The following SUDS3 variants were observed in gnomAD, a reference collection of about 807,000 sequenced individuals.
SUDS3 encodes sin3 histone deacetylase corepressor complex component SDS3.
SUDS3 carries 23 observed loss-of-function variants against 53.5 expected under a neutral mutation model. The ratio of observed to expected loss-of-function variants is 0.43; its 90% CI spans 0.31 to 0.61. SUDS3 has a LOEUF of 0.61. Ranked by LOEUF, SUDS3 falls within the 20% of genes least tolerant of loss-of-function variation. The probability of loss-of-function intolerance (pLI) is 0.10; values close to 1 mark genes in which losing one functional copy is unlikely to be tolerated. For missense variants in SUDS3, 291 were observed against 405.9 expected (o/e 0.72, Z 2.43); for synonymous variants, 150 against 148.5 (o/e 1.01, Z -0.08).
chr12:118,376,815 G>T lies in SUDS3; in HGVS notation c.124G>T (p.Gly42Cys). 6.5e-7 allele frequency: 1 copy of T among 1,548,128 alleles called. No individual in the cohort carries two copies. Among genetic ancestry groups the T allele is most frequent in the South Asian group, 1.2e-5 (1 of 83,768 alleles). Reference sequence around the variant, plus strand: ...CGAGGACGACGAGCGCAGCTGTCGGGGCCGCGAGTCGGACGAAGGTGAGTC... The same window carrying T: ...CGAGGACGACGAGCGCAGCTGTCGGTGCCGCGAGTCGGACGAAGGTGAGTC... ...SAEDDERSCR[G>C]RESDEDTEDA... Residue 42 changes from glycine to cysteine, a missense_variant, in exon 1 of 12, where the codon GGC (glycine) becomes TGC (cysteine). Gly to Cys is a radical substitution (Grantham distance 159). This residue lies in a region of SUDS3 where 149 missense variants were observed against 146.5 expected (regional missense o/e 1.02). Transcript: ENST00000543473.
intron 10 of SUDS3, among the ~76,000 whole-genome samples, chr12:118,409,861 G>A (rs1169267762): frequency 6.6e-6 from 1 of 152,238 alleles, no homozygotes. Flanking sequence ...TCCCATTTGG[G>A]CTTTGGCCCC....
rs139248153 is a variant in SUDS3 at position 118,401,164 on chromosome 12, A to G, written c.613+410A>G. ...GTTATCTATGTCCATAATGTAGTGG[A>G]TTGCAACCTGTTTTTAAATTAAAGC... On this transcript the variant is annotated intron_variant, in intron 7 of 11. Coordinates refer to ENST00000543473, the MANE Select transcript of SUDS3 (RefSeq NM_022491.3). 6.2e-3 allele frequency among the ~76,000 whole-genome samples: 948 copies of G among 152,360 alleles called. 6 individuals are homozygous for G. Among genetic ancestry groups the G allele is most frequent in the Middle Eastern group, 0.024 (7 of 294 alleles).
intron 10 of SUDS3, among the ~76,000 whole-genome samples, chr12:118,403,853 G>A (rs1054651691): frequency 1.6e-4 from 25 of 152,262 alleles, no homozygotes; most frequent in Admixed American, 4.6e-4. Flanking sequence ...CTGCTCCTGT[G>A]TGCTAAGGTT....
rs1170008749 is a variant in SUDS3, at chr12:118,414,698, T to C, written c.*265T>C. The C allele has an allele frequency of 6.1e-6, 2 of 329,186 alleles. No homozygotes were observed. The highest frequency in any genetic ancestry group is 9.8e-5 in the Admixed American group (2 of 20,322). 20.4% of individuals were successfully genotyped at this position (329,186 alleles called of 1,614,324 possible). On this transcript the variant is annotated 3_prime_UTR_variant, in exon 12 of 12. Coordinates refer to ENST00000543473, the MANE Select transcript of SUDS3 (RefSeq NM_022491.3). ...AGGCGTATTGGGGGGTTTGATTTACTTTCCTTTTATTTCTTTATTTTTTGC... is the reference window on the plus strand; with the variant it reads ...AGGCGTATTGGGGGGTTTGATTTACCTTCCTTTTATTTCTTTATTTTTTGC...
At chr12:118,386,549 G>GA (rs2046116454) in intron 4 of SUDS3, among the ~76,000 whole-genome samples, 1 of 146,770 alleles carries the variant, frequency 6.8e-6, no homozygotes, top group Non-Finnish European at 1.5e-5. Context: ...CCCATTTTAA[G>GA]TTTTTTTTTT....
At chr12:118,398,342 C>T (rs928802751) in intron 6 of SUDS3, among the ~76,000 whole-genome samples, 6 of 152,094 alleles carry the variant, frequency 3.9e-5, no homozygotes, top group East Asian at 1.9e-4. Context: ...TTCAAACGCA[C>T]GTTTGTGTGA....
chr12:118,396,331 C>A (rs766641939), intron 6 of SUDS3, among the ~76,000 whole-genome samples: 2 of 152,218 alleles, frequency 1.3e-5, no homozygotes, highest in Non-Finnish European at 2.9e-5. Flanking sequence ...TCTCAGCTCA[C>A]TGCAACCTCT....
chr12:118,384,150 G>C, intron 3 of SUDS3, 83 bp downstream of exon 3: 2 of 1,405,086 alleles, frequency 1.4e-6, no homozygotes, highest in Admixed American at 1.9e-5. Context: ...TCACTTCTCT[G>C]TGGGAGTTAT....
intron 6 of SUDS3, among the ~76,000 whole-genome samples, chr12:118,398,170 G>T (rs1358427422): frequency 6.6e-6 from 1 of 152,078 alleles, no homozygotes; most frequent in Non-Finnish European, 1.5e-5. Context: ...TAGAACTCCC[G>T]TTACGCCAGG....
At chr12:118,381,689 A>ATG (rs1341962463) in intron 2 of SUDS3, among the ~76,000 whole-genome samples, 1 of 152,150 alleles carries the variant, frequency 6.6e-6, no homozygotes, top group Non-Finnish European at 1.5e-5. Flanking sequence ...GCCTGGCCAC[A>ATG]TGCTGACTCT....
At chr12:118,391,346 C>G in intron 6 of SUDS3, 64 bp downstream of exon 6, 1 of 1,521,594 alleles carries the variant, frequency 6.6e-7, no homozygotes, top group Non-Finnish European at 8.8e-7. Flanking sequence ...AGGGCTGTTC[C>G]AGTTACTTTT....
intron 9 of SUDS3, 46 bp from the exon 10 acceptor site, chr12:118,403,366 A>G (rs769022479): frequency 7.0e-7 from 1 of 1,427,384 alleles, no homozygotes; most frequent in Admixed American, 1.8e-5. Flanking sequence ...GTAGACTCGC[A>G]TGTGTTTGTT....
intron 2 of SUDS3, 148 bp downstream of exon 2, chr12:118,380,379 A>G: frequency 1.5e-6 from 1 of 685,442 alleles, no homozygotes; most frequent in Non-Finnish European, 2.4e-6. Context: ...TGCTCATTGC[A>G]CTATTTCAGA....
chr12:118,392,851 A>G (rs552972560), intron 6 of SUDS3, among the ~76,000 whole-genome samples: 1 of 152,292 alleles, frequency 6.6e-6, no homozygotes, highest in South Asian at 2.1e-4. Flanking sequence ...TTGGCGTCCT[A>G]ATTATTGACA....
intron 10 of SUDS3, among the ~76,000 whole-genome samples, chr12:118,407,924 CAG>C (rs1490964104): frequency 1.2e-4 from 18 of 151,832 alleles, no homozygotes; most frequent in Admixed American, 5.2e-4. Context: ...TTTTTTGAGA[CAG>C]AGTCTCGCAC....
intron 3 of SUDS3, 79 bp downstream of exon 3, chr12:118,384,146 C>T (rs141747895): frequency 1.4e-6 from 2 of 1,416,498 alleles, no homozygotes; most frequent in Non-Finnish European, 9.9e-7. Flanking sequence ...TATTTCACTT[C>T]TCTGTGGGAG....
chr12:118,412,766 CCT>C (rs930961863), intron 11 of SUDS3, among the ~76,000 whole-genome samples: 5 of 152,092 alleles, frequency 3.3e-5, no homozygotes, highest in African/African-American at 9.7e-5. Context: ...TTGTTTTTCC[CCT>C]CTCTCTGCCG....
At chr12:118,391,076 C>G in intron 5 of SUDS3, 50 bp from the exon 6 acceptor site, 2 of 1,606,256 alleles carry the variant, frequency 1.2e-6, no homozygotes, top group Non-Finnish European at 1.7e-6. Context: ...GAGTTGGAGC[C>G]CTGGCTCCCA....
At chr12:118,381,675 C>T (rs1463170787) in intron 2 of SUDS3, among the ~76,000 whole-genome samples, 1 of 152,140 alleles carries the variant, frequency 6.6e-6, no homozygotes, top group African/African-American at 2.4e-5. Context: ...GCGTGAGCGA[C>T]CCTGCCTGGC....
Sources: gnomAD v4.1 joint callset for allele counts (sites outside exome capture counted in the v4.1 genomes callset) on GRCh38, gnomAD v4.1.1 for gene constraint, gnomAD v4.1.1 regional missense constraint, MANE v1.5 for transcripts, NCBI Gene and HGNC (gene_info 2026-07-23, HGNC 2026-07-21) for gene names.